Variants in PITPNM3 observed in about 807,000 individuals in gnomAD.
PITPNM3 encodes the protein membrane-associated phosphatidylinositol transfer protein 3.
In PITPNM3, 26 loss-of-function variants were observed where a neutral mutation model predicts 102.0. The ratio of observed to expected loss-of-function variants is 0.25; its 90% CI spans 0.19 to 0.35. The LOEUF (loss-of-function observed/expected upper bound fraction) is 0.35. Among genes scored for constraint, PITPNM3 ranks in the 10% least tolerant of loss-of-function variants. The probability of loss-of-function intolerance (pLI) is 1.00; values close to 1 mark genes in which losing one functional copy is unlikely to be tolerated. For missense variants in PITPNM3, 1,083 were observed against 1,346.1 expected (o/e 0.80, Z 3.06); for synonymous variants, 578 against 558.6 (o/e 1.03, Z -0.49).
At chr17:6,464,806 C>G (rs1030120690) in intron 14 of PITPNM3, 35 bp from the exon 15 acceptor site, 5 of 1,603,828 alleles carry the variant, frequency 3.1e-6, no homozygotes, top group Non-Finnish European at 4.3e-6. Flanking sequence ...TCAGCCCTTG[C>G]AAGGGAGGCT....
chr17:6,506,441 G>A (rs371949510), intron 3 of PITPNM3, among the ~76,000 whole-genome samples: 230 of 149,462 alleles, frequency 1.5e-3, no homozygotes, highest in African/African-American at 5.3e-3. Flanking sequence ...GTGCGATTTC[G>A]GCTCACTGTA....
intron 3 of PITPNM3, among the ~76,000 whole-genome samples, chr17:6,510,601 C>T (rs1223292358): frequency 2.0e-5 from 3 of 152,266 alleles, no homozygotes; most frequent in African/African-American, 7.2e-5. Flanking sequence ...GGGTCTGACA[C>T]AGAGTAAGTG....
intron 16 of PITPNM3, 69 bp downstream of exon 16, chr17:6,464,101 T>A: frequency 6.2e-7 from 1 of 1,609,768 alleles, no homozygotes; most frequent in East Asian, 2.2e-5. Context: ...CCCCATCCTC[T>A]AGACAGGCCT....
intron 2 of PITPNM3, among the ~76,000 whole-genome samples, chr17:6,534,342 G>A (rs989504239): frequency 6.6e-6 from 1 of 152,180 alleles, no homozygotes; most frequent in Non-Finnish European, 1.5e-5. Context: ...CAATACTCCT[G>A]CCTGACTGTT....
At chr17:6,495,101 C>T (rs554559724) in intron 4 of PITPNM3, among the ~76,000 whole-genome samples, 1 of 152,144 alleles carries the variant, frequency 6.6e-6, no homozygotes, top group South Asian at 2.1e-4. Flanking sequence ...TGGATAGACT[C>T]TTGTATGCAG....
chr17:6,454,341 G>A lies in PITPNM3; in HGVS notation c.*997C>T, dbSNP rs1287118121. The A allele has an allele frequency of 2.0e-5, 3 of 152,086 alleles. No homozygotes were observed. Among genetic ancestry groups the A allele is most frequent in the Non-Finnish European group, 4.4e-5 (3 of 68,054 alleles). The allele number at this position is 152,086 out of a possible 1,614,324, so 9.4% of individuals were successfully genotyped here. ...GATCCCTTCCCAGCCCACCCAGAGAGGCTCCTTTAAGAGCCCCTCCTTTCC... is the reference window on the plus strand; with the variant it reads ...GATCCCTTCCCAGCCCACCCAGAGAAGCTCCTTTAAGAGCCCCTCCTTTCC... On this transcript the variant is annotated 3_prime_UTR_variant, in exon 20 of 20. Transcript: ENST00000262483.
At chr17:6,529,430 T>C (rs1292479262) in intron 2 of PITPNM3, among the ~76,000 whole-genome samples, 1 of 151,780 alleles carries the variant, frequency 6.6e-6, no homozygotes, top group African/African-American at 2.4e-5. Context: ...CCATCTCTAC[T>C]AAAAATACAA....
chr17:6,532,911 A>G (rs1218313325), intron 2 of PITPNM3, among the ~76,000 whole-genome samples: 1 of 152,148 alleles, frequency 6.6e-6, no homozygotes, highest in Non-Finnish European at 1.5e-5. Context: ...GTATCATCAT[A>G]CATTCCCGCC....
rs150055390 is a variant in PITPNM3, at chr17:6,478,718, G to A, written c.606C>T (p.His202=). The A allele has an allele frequency of 5.9e-5, 94 of 1,584,162 alleles. No homozygotes were observed. In the African/African-American group the frequency reaches 1.1e-3, roughly 19 times the overall value. The change falls in exon 7 of 20, where the codon CAC becomes CAT. Residue 202 remains histidine, a synonymous_variant. Transcript: ENST00000262483. This position sits in a 1 kb window ranked among gnomAD's most constrained non-coding sequence, Gnocchi z 4.4. The part of the protein sequence containing the change: ...SLVSHLNPYS[H]DEGCLSSSQD... The stretch of plus-strand genomic sequence containing the variant: ...GGCTGCTGCTGAGGCAGCCCTCATC[G>A]TGGCTGTAGGGGTTCAGGCTGCAGA...
At chr17:6,492,984 A>C (rs1323640706) in intron 4 of PITPNM3, among the ~76,000 whole-genome samples, 4 of 151,964 alleles carry the variant, frequency 2.6e-5, no homozygotes, top group African/African-American at 9.7e-5. Flanking sequence ...ACTTGTGTCA[A>C]GGCTGAAAAC....
intron 4 of PITPNM3, among the ~76,000 whole-genome samples, chr17:6,488,142 G>A (rs776773983): frequency 4.6e-5 from 7 of 152,216 alleles, no homozygotes; most frequent in Non-Finnish European, 7.4e-5. Flanking sequence ...AGGGGCAGCC[G>A]TAGGCTACCT....
rs727504085 is a variant in PITPNM3 at position 6,471,307 on chromosome 17, C to T, written c.1478G>A (p.Arg493Gln). Residue 493 changes from arginine to glutamine, a missense_variant, in exon 12 of 20, where the codon CGG becomes CAG. Coordinates refer to ENST00000262483, the MANE Select transcript of PITPNM3 (RefSeq NM_031220.4). ...HSPLFLEGSSRDSPPLLDAPA... is the reference protein window; with the variant it reads ...HSPLFLEGSSQDSPPLLDAPA... The stretch of plus-strand genomic sequence containing the variant: ...GGCATCCAGAAGTGGCGGGCTGTCC[C>T]GGGAGCTGCCCTCCAGGAAGAGGGG... 1.6e-5 allele frequency: 25 copies of T among 1,610,092 alleles called. No individual in the cohort carries two copies. The highest frequency in any genetic ancestry group is 3.3e-5 in the South Asian group (3 of 90,716).
intron 4 of PITPNM3, among the ~76,000 whole-genome samples, chr17:6,484,862 G>T (rs1275319988): frequency 6.6e-6 from 1 of 152,128 alleles, no homozygotes; most frequent in Non-Finnish European, 1.5e-5. Flanking sequence ...AGTCCGTGAG[G>T]GTCTGAGCAG....
chr17:6,540,718 G>C (rs1909683787), intron 1 of PITPNM3, among the ~76,000 whole-genome samples: 1 of 152,212 alleles, frequency 6.6e-6, no homozygotes, highest in South Asian at 2.1e-4. Flanking sequence ...GAGTGCAATG[G>C]TGCGATCTTG....
chr17:6,474,835 CAG>C (rs1905232129), intron 9 of PITPNM3, among the ~76,000 whole-genome samples: 1 of 152,332 alleles, frequency 6.6e-6, no homozygotes, highest in South Asian at 2.1e-4. Context: ...TGCAAAGGGC[CAG>C]AGAGTCAATA....
At position 6,544,654 on chromosome 17, in the gene PITPNM3, T is replaced by TCTCTCTCTCTCACACA. The variant is rs376230474; in HGVS notation, c.23-6573_23-6572insTGTGTGAGAGAGAGAG. 2.2e-3 allele frequency among the ~76,000 whole-genome samples: 284 copies of TCTCTCTCTCTCACACA among 130,258 alleles called. 1 individual carries two copies. Among genetic ancestry groups the TCTCTCTCTCTCACACA allele is most frequent in the African/African-American group, 7.7e-3 (250 of 32,518 alleles). The allele number at this position is 130,258 out of a possible 152,430, so 85.5% of individuals were successfully genotyped here. On this transcript the variant is annotated intron_variant, in intron 1 of 19. Transcript: ENST00000262483. ...CTCTCTCTCTCTCTCTCTCTCTCTC[T>TCTCTCTCTCTCACACA]CACACACACACACACACACACACAA...
intron 3 of PITPNM3, among the ~76,000 whole-genome samples, chr17:6,510,533 C>T (rs973234228): frequency 2.6e-5 from 4 of 152,240 alleles, no homozygotes; most frequent in Admixed American, 1.3e-4. Flanking sequence ...GTCTGGGAGC[C>T]GGTCAATTCT....
chr17:6,505,777 A>G (rs1010058071), intron 3 of PITPNM3, among the ~76,000 whole-genome samples: 2 of 152,230 alleles, frequency 1.3e-5, no homozygotes, highest in Non-Finnish European at 2.9e-5. Context: ...GCCATGGAGG[A>G]TACAGAGATG....
At chr17:6,546,361 C>A (rs1293485601) in intron 1 of PITPNM3, among the ~76,000 whole-genome samples, 1 of 152,236 alleles carries the variant, frequency 6.6e-6, no homozygotes, top group Non-Finnish European at 1.5e-5. Context: ...CCAGGGCAAC[C>A]AGAGGGGATC....
Sources: gnomAD v4.1 joint callset for allele counts (sites outside exome capture counted in the v4.1 genomes callset) on GRCh38, gnomAD v4.1.1 for gene constraint, Gnocchi (gnomAD v3.1) non-coding constraint, MANE v1.5 for transcripts, NCBI Gene and HGNC (gene_info 2026-07-23, HGNC 2026-07-21) for gene names.